Variants in GPAM observed in about 807,000 individuals in gnomAD.
GPAM encodes glycerol-3-phosphate acyltransferase 1, mitochondrial.
A neutral mutation model predicts 105.0 loss-of-function variants in GPAM; 56 were observed. The ratio of observed to expected loss-of-function variants is 0.53; its 90% CI spans 0.43 to 0.67. GPAM has a LOEUF of 0.67. Ranked by LOEUF, GPAM falls within the 30% of genes least tolerant of loss-of-function variation. The pLI is 0.00. For synonymous variants in GPAM, 368 were observed against 354.4 expected (o/e 1.04, Z -0.43); for missense variants, 855 against 989.8 (o/e 0.86, Z 1.83).
At chr10:112,178,147 C>A in intron 4 of GPAM, 90 bp from the exon 5 acceptor site, 3 of 728,860 alleles carry the variant, frequency 4.1e-6, no homozygotes, top group South Asian at 3.2e-5. Flanking sequence ...ACTTTAATAT[C>A]AAGCATAAAA....
At chr10:112,191,309 T>C (rs139093373) in intron 1 of GPAM, among the ~76,000 whole-genome samples, 295 of 152,274 alleles carry the variant, frequency 1.9e-3, no homozygotes, top group African/African-American at 6.9e-3. Context: ...GAGATCTCTC[T>C]TGCCATCTCC....
At chr10:112,225,889 T>C in the GPAM span, among the ~76,000 whole-genome samples, 21 of 152,310 alleles carry the variant, frequency 1.4e-4, no homozygotes, top group Non-Finnish European at 2.8e-4. Context: ...GCACAATAAA[T>C]ATTTATTAAA....
At position 112,156,043 on chromosome 10, in the gene GPAM, G is replaced by C. The variant is rs1391219588; in HGVS notation, c.2132C>G (p.Ser711Cys). 1.5e-5 allele frequency: 24 copies of C among 1,611,612 alleles called. No individual in the cohort carries two copies. The highest frequency in any genetic ancestry group is 2.0e-5 in the Non-Finnish European group (24 of 1,178,162). ...QRDCYLKVSQ[S>C]KEHQQFITFL... Reference sequence around the variant, plus strand: ...GGTGATAAACTGCTGGTGCTCCTTGGATTGGCTCACCTGAGTGTGCAAAAG... The same window carrying C: ...GGTGATAAACTGCTGGTGCTCCTTGCATTGGCTCACCTGAGTGTGCAAAAG... Residue 711 changes from serine (S) to cysteine (C), a missense_variant, in exon 20 of 22, where the codon TCC becomes TGC. Transcript: ENST00000348367.
intron 19 of GPAM, chr10:112,156,983 T>C: frequency 3.3e-6 from 2 of 599,878 alleles, no homozygotes; most frequent in East Asian, 2.8e-5. Flanking sequence ...TAAACAGGTA[T>C]GCACCTGTGT....
Position 112,159,163 on chromosome 10 carries a change from C to T in GPAM, c.1902+748G>A, listed in dbSNP as rs146224373. Among the ~76,000 whole-genome samples the T allele has an allele frequency of 5.4e-4, 81 of 150,498 alleles. 1 individual carries two copies. The highest frequency in any genetic ancestry group is 1.9e-3 in the African/African-American group (78 of 40,882). On this transcript the variant is annotated intron_variant, in intron 17 of 21. Coordinates refer to ENST00000348367, the MANE Select transcript of GPAM (RefSeq NM_001244949.2). ...ATAATATAAATGCTCATTAGTACTG[C>T]TGGGCTTGGTTTTCCTCATTTGTAA...
upstream of GPAM, among the ~76,000 whole-genome samples, chr10:112,185,312 G>A (rs116630843): frequency 8.8e-3 from 1,336 of 151,436 alleles, 20 homozygotes; most frequent in African/African-American, 0.028. Flanking sequence ...TCAGGCATGC[G>A]AAAAGAAGCA....
the GPAM span, among the ~76,000 whole-genome samples, chr10:112,221,744 C>T: frequency 6.6e-6 from 1 of 152,186 alleles, no homozygotes; most frequent in African/African-American, 2.4e-5. Flanking sequence ...ACTTTGATAT[C>T]CTGTTGAAAT....
intron 1 of GPAM, among the ~76,000 whole-genome samples, chr10:112,194,246 C>G (rs1185515387): frequency 2.6e-5 from 4 of 152,126 alleles, no homozygotes; most frequent in Admixed American, 2.6e-4. Flanking sequence ...TACCATGTGT[C>G]CCGGATAACT....
At chr10:112,220,763 A>G in the GPAM span, among the ~76,000 whole-genome samples, 13 of 152,120 alleles carry the variant, frequency 8.5e-5, no homozygotes, top group African/African-American at 1.7e-4. Context: ...GTGTTACCCA[A>G]TGATGTGTAC....
chr10:112,160,049 G>A lies in GPAM; in HGVS notation c.1764C>T (p.Cys588=), dbSNP rs1377586943. ...HVFIMEAIIA[C]SLYAVLNKRG... is the part of the protein sequence containing the mutation. ...TCTTGTTCAGAACTGCATAAAGGCT[G>A]CAAGCTAAGAAAAGAAAAGCAACAA... The change falls in exon 17 of 22, where the codon TGC becomes TGT. Residue 588 remains cysteine, a synonymous_variant. Transcript: ENST00000348367. 6.2e-7 allele frequency: 1 copy of A among 1,614,012 alleles called. No individual in the cohort carries two copies.
Position 112,160,020 on chromosome 10 carries a change from C to A in GPAM, c.1793G>T (p.Gly598Val), listed in dbSNP as rs373711909. ...CSLYAVLNKR[G>V]LGGPTSTPPN... Reference sequence around the variant, plus strand: ...TGGGGTGCTAGTGGGACCCCCCAGTCCCCTCTTGTTCAGAACTGCATAAAG... The same window carrying A: ...TGGGGTGCTAGTGGGACCCCCCAGTACCCTCTTGTTCAGAACTGCATAAAG... The change falls in exon 17 of 22, where the codon GGA becomes GTA. Residue 598 changes from glycine to valine, a missense_variant. Gly to Val is a moderately radical substitution (Grantham distance 109). Coordinates refer to ENST00000348367, the MANE Select transcript of GPAM (RefSeq NM_001244949.2). 1.6e-5 allele frequency: 26 copies of A among 1,613,746 alleles called. No homozygotes were observed. The highest frequency in any genetic ancestry group is 2.0e-5 in the Non-Finnish European group (24 of 1,179,818).
chr10:112,153,267 A>C lies in GPAM; in HGVS notation c.*283T>G. On this transcript the variant is annotated 3_prime_UTR_variant, in exon 22 of 22. Transcript: ENST00000348367. ...TGTACTTAAAATGTCAATCTTTAATAAACTCAAAAATAATTTATTGAGATT... is the reference window on the plus strand; with the variant it reads ...TGTACTTAAAATGTCAATCTTTAATCAACTCAAAAATAATTTATTGAGATT... 8.1e-7 allele frequency: 1 copy of C among 1,239,796 alleles called. No individual in the cohort carries two copies. The highest frequency in any genetic ancestry group is 1.0e-6 in the Non-Finnish European group (1 of 979,716). 76.8% of individuals were successfully genotyped at this position (1,239,796 alleles called of 1,614,324 possible).
chr10:112,153,832 G>T, intron 21 of GPAM, 166 bp from the exon 22 acceptor site: 1 of 672,424 alleles, frequency 1.5e-6, no homozygotes, highest in Non-Finnish European at 2.5e-6. Flanking sequence ...TGAGCATGAG[G>T]TGGGAGTTTC....
chr10:112,225,187 C>T, the GPAM span, among the ~76,000 whole-genome samples: 9 of 152,154 alleles, frequency 5.9e-5, no homozygotes, highest in Non-Finnish European at 7.4e-5. Context: ...TGCCTTTTCA[C>T]AATGTGACAC....
chr10:112,157,645 T>C (rs1318420502), intron 18 of GPAM, among the ~76,000 whole-genome samples: 1 of 152,214 alleles, frequency 6.6e-6, no homozygotes, highest in African/African-American at 2.4e-5. Flanking sequence ...ATGTTCTAAA[T>C]TGATATGTAC....
At chr10:112,218,577 C>G (rs575667558), upstream of GPAM, among the ~76,000 whole-genome samples, 1 of 152,224 alleles carries the variant, frequency 6.6e-6, no homozygotes, top group South Asian at 2.1e-4. Flanking sequence ...GGCAAGTCCA[C>G]AGAGTGAAGT....
rs535134703 is a variant in GPAM at position 112,160,808 on chromosome 10, G to C, written c.1555C>G (p.Arg519Gly). 5 of 1,613,448 alleles carry C rather than the reference G, an allele frequency of 3.1e-6. No individual in the cohort carries two copies. The highest frequency in any genetic ancestry group is 3.4e-6 in the Non-Finnish European group (4 of 1,179,524). Residue 519 changes from arginine to glycine, a missense_variant, in exon 16 of 22, where the codon CGT becomes GGT. Transcript: ENST00000348367. ...FFVMKEEVLA[R>G]DFDLGFSGNS... is the part of the protein sequence containing the mutation. ...CCTGAGAACCCCAGGTCAAAATCAC[G>C]AGCCAGGACTTCCTCTTTCATCACA...
chr10:112,158,129 C>G (rs1377575932), intron 18 of GPAM, among the ~76,000 whole-genome samples, 187 bp downstream of exon 18: 1 of 152,148 alleles, frequency 6.6e-6, no homozygotes, highest in Non-Finnish European at 1.5e-5. Context: ...CAGGGTTGTG[C>G]CATGTTGGCC....
At chr10:112,222,460 T>G in the GPAM span, among the ~76,000 whole-genome samples, 1 of 152,258 alleles carries the variant, frequency 6.6e-6, no homozygotes, top group African/African-American at 2.4e-5. Flanking sequence ...ACCCACCTAT[T>G]TGCTATACCT....
Sources: gnomAD v4.1 joint callset for allele counts (sites outside exome capture counted in the v4.1 genomes callset) on GRCh38, gnomAD v4.1.1 for gene constraint, MANE v1.5 for transcripts, NCBI Gene and HGNC (gene_info 2026-07-23, HGNC 2026-07-21) for gene names.